Variants in SYNPR observed in about 807,000 individuals in gnomAD.
The protein encoded by SYNPR is synaptoporin.
Under a neutral mutation model 32.9 loss-of-function variants are expected in SYNPR, and 23 were observed. The ratio of observed to expected loss-of-function variants is 0.70; its 90% confidence interval spans 0.50 to 0.99. SYNPR has a LOEUF of 0.99. Ranked by LOEUF, SYNPR falls within the 50% of genes least tolerant of loss-of-function variation. SYNPR has a pLI of 0.00. For synonymous variants in SYNPR, 146 were observed against 135.9 expected, an observed-to-expected ratio of 1.07 and a Z score of -0.52; for missense variants, 318 against 349.3, an observed-to-expected ratio of 0.91 and a Z score of 0.71.
chr3:63,312,527 A>C (rs1357315440), intron 2 of SYNPR, among the ~76,000 whole-genome samples: 3 of 151,916 alleles, frequency 2.0e-5, no homozygotes, highest in Non-Finnish European at 4.4e-5. Flanking sequence ...CTGTCAGCAG[A>C]TGCACTCATT....
intron 4 of SYNPR, among the ~76,000 whole-genome samples, chr3:63,594,477 T>C (rs1157950881): frequency 6.6e-6 from 1 of 152,182 alleles, no homozygotes; most frequent in African/African-American, 2.4e-5. Flanking sequence ...GTTATGAGCC[T>C]AAACAATCAT....
intron 2 of SYNPR, among the ~76,000 whole-genome samples, chr3:63,309,983 C>G (rs2086947121): frequency 6.6e-6 from 1 of 151,794 alleles, no homozygotes; most frequent in African/African-American, 2.4e-5. Context: ...TATTTAAAGC[C>G]CTCTTCTGTG....
At chr3:63,258,925 T>A (rs2086412759) in intron 2 of SYNPR, among the ~76,000 whole-genome samples, 1 of 152,096 alleles carries the variant, frequency 6.6e-6, no homozygotes, top group African/African-American at 2.4e-5. Flanking sequence ...CAAACTACCA[T>A]CAGAGAATAC....
intron 2 of SYNPR, among the ~76,000 whole-genome samples, chr3:63,422,670 A>G (rs2107133209): frequency 6.6e-6 from 1 of 152,344 alleles, no homozygotes; most frequent in Non-Finnish European, 1.5e-5. Flanking sequence ...ACCAAGTATA[A>G]GCAATGATGG....
upstream of SYNPR, among the ~76,000 whole-genome samples, chr3:63,277,612 C>T (rs1279546638): frequency 6.6e-6 from 1 of 152,174 alleles, no homozygotes; most frequent in Non-Finnish European, 1.5e-5. Flanking sequence ...TTCATCCTTG[C>T]TAAATCTGTT....
chr3:63,614,949 A>C (rs1319909600), intron 5 of SYNPR, among the ~76,000 whole-genome samples: 2 of 152,230 alleles, frequency 1.3e-5, no homozygotes, highest in African/African-American at 4.8e-5. Flanking sequence ...CACATCTTTA[A>C]TGTGGGTATG....
intron 3 of SYNPR, among the ~76,000 whole-genome samples, chr3:63,553,883 G>A (rs558941479): frequency 3.9e-5 from 6 of 151,992 alleles, no homozygotes; most frequent in East Asian, 3.9e-4. Flanking sequence ...CACCATGCCC[G>A]TCTAATTTTA....
At chr3:63,336,519 C>CCAAAAAAA (rs2087296892) in intron 2 of SYNPR, among the ~76,000 whole-genome samples, 1 of 48,816 alleles carries the variant, frequency 2.0e-5, no homozygotes, top group African/African-American at 7.0e-5. Context: ...CATTCCCATG[C>CCAAAAAAA]AAAAAAAAAA....
At chr3:63,457,625 A>G (rs1429651956) in intron 2 of SYNPR, among the ~76,000 whole-genome samples, 2 of 152,176 alleles carry the variant, frequency 1.3e-5, no homozygotes, top group African/African-American at 4.8e-5. Context: ...GAAGTTTAAG[A>G]AAATTAAATT....
intron 3 of SYNPR, among the ~76,000 whole-genome samples, chr3:63,482,747 A>G (rs1205690796): frequency 6.6e-6 from 1 of 152,112 alleles, no homozygotes; most frequent in Non-Finnish European, 1.5e-5. Context: ...CCATTCCAAA[A>G]CAGCTTAATT....
At chr3:63,588,849 C>G (rs6780902) in intron 4 of SYNPR, among the ~76,000 whole-genome samples, 145,907 of 152,082 alleles carry the variant, frequency 0.96, 70,066 homozygotes, top group East Asian at 1. Context: ...TTACCCCTTG[C>G]ACTCAAGCTT....
intron 2 of SYNPR, among the ~76,000 whole-genome samples, chr3:63,460,020 C>T (rs1238447239): frequency 6.6e-6 from 1 of 152,120 alleles, no homozygotes; most frequent in Non-Finnish European, 1.5e-5. Flanking sequence ...ACTGCAACAT[C>T]CCATAAAAGT....
At chr3:63,532,749 G>A (rs749097493) in intron 3 of SYNPR, among the ~76,000 whole-genome samples, 9 of 152,202 alleles carry the variant, frequency 5.9e-5, no homozygotes, top group East Asian at 1.9e-4. Flanking sequence ...GGTCCCAGAC[G>A]CTTAGGCACA....
chr3:63,595,730 TATATATATATA>T (rs1427483454), intron 4 of SYNPR, among the ~76,000 whole-genome samples: 4 of 24,790 alleles, frequency 1.6e-4, no homozygotes, highest in African/African-American at 3.5e-4. Context: ...TATATATATA[TATATATATATA>T]TATATATATA....
At chr3:63,281,607 G>A (rs180832995) in intron 2 of SYNPR, among the ~76,000 whole-genome samples, 11 of 152,156 alleles carry the variant, frequency 7.2e-5, no homozygotes, top group Admixed American at 2.6e-4. Flanking sequence ...CTCTGATCTC[G>A]TCTGTCCCTT....
At position 63,266,500 on chromosome 3, in the gene SYNPR, C is replaced by G. The variant is rs768058642; in HGVS notation, n.155-817C>G. Among the ~76,000 whole-genome samples, 4 of 151,548 alleles carry G rather than the reference C, an allele frequency of 2.6e-5. No homozygotes were observed. In the East Asian group the frequency reaches 7.8e-4, roughly 29 times the overall value. On this transcript the variant is annotated intron_variant and non_coding_transcript_variant, in intron 2 of 4. Coordinates refer to the SYNPR transcript ENST00000478456. ...GGCAAATCACCTGAGGTCAGGAGTTCGAGACCAGCCTGACCAACATGGTGA... is the reference window on the plus strand; with the variant it reads ...GGCAAATCACCTGAGGTCAGGAGTTGGAGACCAGCCTGACCAACATGGTGA...
intron 2 of SYNPR, among the ~76,000 whole-genome samples, chr3:63,326,831 G>A (rs76396576): frequency 0.024 from 3,719 of 152,182 alleles, 171 homozygotes; most frequent in African/African-American, 0.082. Context: ...AGTAATTGAA[G>A]GGTTGTGCTT....
chr3:63,462,185 G>A (rs12491065), intron 2 of SYNPR, among the ~76,000 whole-genome samples: 59,078 of 151,672 alleles, frequency 0.39, 12,099 homozygotes, highest in African/African-American at 0.5. Flanking sequence ...CTCCTTTTCT[G>A]TCTTTTGGGC....
chr3:63,427,289 G>A (rs1162979302), intron 2 of SYNPR: 3 of 149,488 alleles, frequency 2.0e-5, no homozygotes, highest in African/African-American at 7.4e-5. Flanking sequence ...ACCATTTCTT[G>A]GCATATTTCA....
Sources: gnomAD v4.1 joint callset for allele counts (sites outside exome capture counted in the v4.1 genomes callset) on GRCh38, gnomAD v4.1.1 for gene constraint, MANE v1.5 for transcripts, NCBI Gene and HGNC (gene_info 2026-07-23, HGNC 2026-07-21) for gene names.